Variants in ETV6 observed in about 807,000 individuals in gnomAD.
ETV6 encodes the protein transcription factor ETV6.
Under a neutral mutation model 51.1 loss-of-function variants are expected in ETV6, and 16 were observed. The ratio of observed to expected loss-of-function variants is 0.31; its 90% CI spans 0.21 to 0.48. The LOEUF is 0.48. ETV6 is among the 20% of genes least tolerant of loss of function. The pLI is 0.99. For synonymous variants in ETV6, 240 were observed against 224.1 expected, an observed-to-expected ratio of 1.07 and a Z score of -0.64; for missense variants, 458 against 594.8, an observed-to-expected ratio of 0.77 and a Z score of 2.39.
Position 11,894,611 on chromosome 12 carries a change from C to T in ETV6, c.*3565C>T, listed in dbSNP as rs1171976172. 4.3e-5 allele frequency: 10 copies of T among 233,118 alleles called. No individual in the cohort carries two copies. The highest frequency in any genetic ancestry group is 1.8e-4 in the South Asian group (1 of 5,532). The allele number at this position is 233,118 out of a possible 1,614,324, so 14.4% of individuals were successfully genotyped here. On this transcript the variant is annotated 3_prime_UTR_variant, in exon 8 of 8. Transcript: ENST00000396373. ...TGATCTCTTGTCCAAATGAGAATGT[C>T]GCTTTAGCTGAAATTCAAATGGCTG...
intron 1 of ETV6, among the ~76,000 whole-genome samples, chr12:11,717,801 A>G (rs776960741): frequency 1.1e-4 from 16 of 152,170 alleles, no homozygotes; most frequent in Non-Finnish European, 1.0e-4. Flanking sequence ...GACACTCTAC[A>G]CTGTGAGTGT....
chr12:11,818,402 C>T (rs778115033), intron 2 of ETV6, among the ~76,000 whole-genome samples: 11 of 151,732 alleles, frequency 7.2e-5, no homozygotes, highest in Non-Finnish European at 1.6e-4. Context: ...GTGATGCATG[C>T]GTGTAATCCC....
At chr12:11,775,601 C>G (rs968431379) in intron 2 of ETV6, among the ~76,000 whole-genome samples, 1 of 152,170 alleles carries the variant, frequency 6.6e-6, no homozygotes, top group Non-Finnish European at 1.5e-5. Flanking sequence ...AATTTACAAT[C>G]TAGAGGGGAG....
In ETV6 at chr12:11,870,054, C is replaced by T. The variant is rs566254330; in HGVS notation, c.1009+85C>T. On this transcript the variant is annotated intron_variant, in intron 5 of 7. Transcript: ENST00000396373. ...CCCCTGTGATCTTTGCAGCCAGCCT[C>T]GCACCATTCCCAATTAGGCGCCCTC... The T allele has an allele frequency of 2.0e-5, 30 of 1,463,672 alleles. No homozygotes were observed. The East Asian group carries it at 4.8e-4, about 23-fold the overall frequency. 90.7% of individuals were successfully genotyped at this position (1,463,672 alleles called of 1,614,324 possible).
intron 2 of ETV6, among the ~76,000 whole-genome samples, chr12:11,827,015 C>T (rs773523958): frequency 6.6e-6 from 1 of 150,736 alleles, no homozygotes; most frequent in Non-Finnish European, 1.5e-5. Context: ...GTATGAATGT[C>T]CTCAGAAAGG....
intron 2 of ETV6, among the ~76,000 whole-genome samples, chr12:11,767,000 G>C (rs1184511647): frequency 6.6e-6 from 1 of 152,166 alleles, no homozygotes; most frequent in Non-Finnish European, 1.5e-5. Flanking sequence ...AAATTGACAT[G>C]ATGATGCCTT....
chr12:11,711,052 C>T (rs1288841576), intron 1 of ETV6, among the ~76,000 whole-genome samples: 1 of 152,176 alleles, frequency 6.6e-6, no homozygotes, highest in Non-Finnish European at 1.5e-5. Context: ...CCTCACAGGA[C>T]CACAGCAAAT....
chr12:11,886,300 A>G lies in ETV6; in HGVS notation c.1253+274A>G, dbSNP rs73281348. 0.029 allele frequency among the ~76,000 whole-genome samples: 4,345 copies of G among 152,338 alleles called. 221 individuals carry two copies. The highest frequency in any genetic ancestry group is 0.098 in the African/African-American group (4,080 of 41,564). Reference sequence around the variant, plus strand: ...TGACCAAATAATATTATGTGGCATTAAAGTCCGGTGTAGTTAAAAGCACAA... The same window carrying G: ...TGACCAAATAATATTATGTGGCATTGAAGTCCGGTGTAGTTAAAAGCACAA... On this transcript the variant is annotated intron_variant, in intron 7 of 7. Coordinates refer to ENST00000396373, the MANE Select transcript of ETV6 (RefSeq NM_001987.5).
intron 1 of ETV6, among the ~76,000 whole-genome samples, chr12:11,713,908 A>T (rs1207650509): frequency 6.6e-6 from 1 of 152,226 alleles, no homozygotes; most frequent in Admixed American, 6.5e-5. Context: ...GGAGATTCCT[A>T]TGTGCAACCA....
intron 1 of ETV6, among the ~76,000 whole-genome samples, chr12:11,737,981 A>G (rs1349548727): frequency 1.3e-5 from 2 of 152,204 alleles, no homozygotes; most frequent in South Asian, 2.1e-4. Context: ...AGGAAAGCCA[A>G]TAACGATGGC....
At chr12:11,772,951 T>C (rs1321642368) in intron 2 of ETV6, among the ~76,000 whole-genome samples, 1 of 152,088 alleles carries the variant, frequency 6.6e-6, no homozygotes, top group Non-Finnish European at 1.5e-5. Context: ...TCCCAGCACT[T>C]TGGGAGGCCG....
At chr12:11,700,902 G>A (rs1306406403) in intron 1 of ETV6, among the ~76,000 whole-genome samples, 6 of 152,082 alleles carry the variant, frequency 3.9e-5, no homozygotes, top group African/African-American at 1.4e-4. Context: ...CTGTTCGAGG[G>A]TCCACTGTAT....
chr12:11,872,891 C>T (rs1946905097), intron 5 of ETV6, among the ~76,000 whole-genome samples: 1 of 152,118 alleles, frequency 6.6e-6, no homozygotes, highest in Admixed American at 6.5e-5. Context: ...ACTGCACCCA[C>T]CAAATGATGA....
chr12:11,828,226 G>A (rs542482936), intron 2 of ETV6, among the ~76,000 whole-genome samples: 2 of 152,242 alleles, frequency 1.3e-5, no homozygotes, highest in East Asian at 3.9e-4. Flanking sequence ...GCATAGCCAA[G>A]TTGCCTCATT....
At chr12:11,753,191 T>C (rs1212957228) in intron 2 of ETV6, among the ~76,000 whole-genome samples, 1 of 152,102 alleles carries the variant, frequency 6.6e-6, no homozygotes, top group Non-Finnish European at 1.5e-5. Context: ...GGTTCCACCT[T>C]TCTCTCCCAA....
intron 2 of ETV6, among the ~76,000 whole-genome samples, chr12:11,805,089 G>C (rs186949434): frequency 6.6e-6 from 1 of 152,316 alleles, no homozygotes; most frequent in East Asian, 1.9e-4. Flanking sequence ...GGTGCAGGTT[G>C]CTGGGCTGGG....
intron 1 of ETV6, among the ~76,000 whole-genome samples, chr12:11,706,982 A>G (rs1177224642): frequency 6.6e-6 from 1 of 152,202 alleles, no homozygotes; most frequent in Non-Finnish European, 1.5e-5. Context: ...ACAAACCTGT[A>G]TTTTGTAGAA....
At chr12:11,757,968 T>A (rs1565514416) in intron 2 of ETV6, among the ~76,000 whole-genome samples, 3 of 152,148 alleles carry the variant, frequency 2.0e-5, no homozygotes, top group Non-Finnish European at 4.4e-5. Context: ...AGAGTTGAAT[T>A]TCTCCCTACA....
At chr12:11,837,441 A>C (rs182408885) in intron 2 of ETV6, among the ~76,000 whole-genome samples, 3 of 152,180 alleles carry the variant, frequency 2.0e-5, no homozygotes, top group Non-Finnish European at 4.4e-5. Flanking sequence ...GAGGAAGCCA[A>C]CTACCATTCC....
Sources: allele counts gnomAD v4.1 joint callset (sites outside exome capture counted in the v4.1 genomes callset), GRCh38; gene constraint gnomAD v4.1.1; transcripts MANE v1.5; gene names NCBI Gene and HGNC (gene_info 2026-07-23, HGNC 2026-07-21).